MTBP: variants seen among roughly 807,000 people sequenced by gnomAD.
MTBP encodes the protein mdm2-binding protein.
Under a neutral mutation model 117.0 loss-of-function variants are expected in MTBP, and 101 were observed. That is an observed-to-expected ratio of 0.86 (90% confidence interval 0.73 to 1.02). MTBP has a LOEUF of 1.02. Ranked by LOEUF, MTBP falls within the 50% of genes least tolerant of loss-of-function variation. MTBP has a pLI of 0.00. For synonymous variants in MTBP, 350 were observed against 351.5 expected (o/e 1.00, Z 0.05); for missense variants, 970 against 1,030.9 (o/e 0.94, Z 0.81).
Position 120,516,061 on chromosome 8 carries a change from C to T in MTBP, c.2116C>T (p.Pro706Ser). ...AGTACCTACTGTGTTGAGCCCTCTTCCATCTCCTGTAGTTTCGTCAGATCC... is the reference window on the plus strand; with the variant it reads ...AGTACCTACTGTGTTGAGCCCTCTTTCATCTCCTGTAGTTTCGTCAGATCC... ...FPVPTVLSPLPSPVVSSDPGS... is the reference protein window; with the variant it reads ...FPVPTVLSPLSSPVVSSDPGS... Residue 706 changes from proline to serine, a missense_variant, in exon 18 of 22, where the codon CCA (proline) becomes TCA (serine). Pro to Ser is a moderately conservative substitution (Grantham distance 74, BLOSUM62 -1). Coordinates refer to ENST00000305949, the MANE Select transcript of MTBP (RefSeq NM_022045.5). 1 of 1,613,084 alleles carries T rather than the reference C, an allele frequency of 6.2e-7. No homozygotes were observed. The highest frequency in any genetic ancestry group is 8.5e-7 in the Non-Finnish European group (1 of 1,179,240).
chr8:120,509,405 C>T (rs548342026), intron 16 of MTBP, among the ~76,000 whole-genome samples: 24 of 152,222 alleles, frequency 1.6e-4, no homozygotes, highest in African/African-American at 5.5e-4. Flanking sequence ...AGTTTGAGAC[C>T]AGCCTGGCCA....
chr8:120,492,498 T>C (rs148795274), intron 13 of MTBP, among the ~76,000 whole-genome samples: 23 of 152,188 alleles, frequency 1.5e-4, no homozygotes, highest in Admixed American at 1.4e-3. Context: ...GGAACAGCTC[T>C]CTTTGGAAAA....
At position 120,523,433 on chromosome 8, in the gene MTBP, T is replaced by G; in HGVS notation, c.*97T>G. The G allele has an allele frequency of 1.4e-6, 1 of 714,438 alleles. No homozygotes were observed. 44.3% of individuals were successfully genotyped at this position (714,438 alleles called of 1,614,324 possible). On this transcript the variant is annotated 3_prime_UTR_variant, in exon 22 of 22. Coordinates refer to ENST00000305949, the MANE Select transcript of MTBP (RefSeq NM_022045.5). ...GAAAATTATAAACAAATTTTAAGCTTTATTCAAAGAATAGATGTTATATTT... is the reference window on the plus strand; with the variant it reads ...GAAAATTATAAACAAATTTTAAGCTGTATTCAAAGAATAGATGTTATATTT...
chr8:120,473,247 C>A (rs1015701583), intron 11 of MTBP: 2 of 151,674 alleles, frequency 1.3e-5, no homozygotes, highest in Non-Finnish European at 2.9e-5. Context: ...ATTTTCAATT[C>A]GTGGTTGGTT....
chr8:120,468,461 T>C (rs932469220), intron 10 of MTBP, among the ~76,000 whole-genome samples: 3 of 152,206 alleles, frequency 2.0e-5, no homozygotes, highest in Admixed American at 6.5e-5. Flanking sequence ...CTACGAACTC[T>C]TGGAAAGCGT....
At chr8:120,483,600 A>G (rs1454457133) in intron 11 of MTBP, among the ~76,000 whole-genome samples, 3 of 152,174 alleles carry the variant, frequency 2.0e-5, no homozygotes, top group African/African-American at 2.4e-5. Flanking sequence ...GACAAAGAAT[A>G]TAACTTGATT....
At chr8:120,453,794 T>C (rs1813411760) in intron 4 of MTBP, 53 bp from the exon 5 acceptor site, 3 of 827,516 alleles carry the variant, frequency 3.6e-6, no homozygotes, top group Non-Finnish European at 5.7e-6. Context: ...ATTATGATTA[T>C]ATATAAATAT....
chr8:120,452,004 T>C (rs1449686085), intron 4 of MTBP: 1 of 152,274 alleles, frequency 6.6e-6, no homozygotes, highest in Non-Finnish European at 1.5e-5. Flanking sequence ...TTAATTTATG[T>C]GTATTTGCAG....
intron 12 of MTBP, among the ~76,000 whole-genome samples, chr8:120,489,332 C>T (rs752818131): frequency 2.6e-5 from 4 of 152,102 alleles, no homozygotes; most frequent in Non-Finnish European, 4.4e-5. Flanking sequence ...CCACTGCGCC[C>T]GGCCTAGGCT....
Position 120,446,490 on chromosome 8 carries a change from A to G in MTBP, c.176A>G (p.Asn59Ser). 6.3e-7 allele frequency: 1 copy of G among 1,597,840 alleles called. No individual in the cohort carries two copies. The highest frequency in any genetic ancestry group is 8.6e-7 in the Non-Finnish European group (1 of 1,165,520). Residue 59 changes from asparagine to serine, a missense_variant, in exon 2 of 22, where the codon AAT becomes AGT. Transcript: ENST00000305949. ...AAAAGAAGCATTAGTGCTTCAATTA[A>G]TCCAGAAGATAGTACTTTCCCTGGT... is the stretch of plus-strand genomic sequence containing the variant. ...LLKRSISASI[N>S]PEDSTFPACS...
rs892368656 is a variant in MTBP at position 120,453,177 on chromosome 8, G to A, written c.426-670G>A. On this transcript the variant is annotated intron_variant, in intron 4 of 21. Transcript: ENST00000305949. Reference sequence around the variant, plus strand: ...TTAAGATTCAGAAAAATGGCTGGGTGCAGTGGCTCATGCCTGTAATGCCAG... The same window carrying A: ...TTAAGATTCAGAAAAATGGCTGGGTACAGTGGCTCATGCCTGTAATGCCAG... 9.9e-5 allele frequency among the ~76,000 whole-genome samples: 15 copies of A among 152,104 alleles called. No homozygotes were observed. In the East Asian group the frequency reaches 2.5e-3, roughly 26 times the overall value.
Position 120,475,797 on chromosome 8 carries a change from A to G in MTBP, c.1165+4860A>G, listed in dbSNP as rs80355095. Among the ~76,000 whole-genome samples the G allele has an allele frequency of 5.1e-3, 781 of 152,132 alleles. 9 individuals are homozygous for G. Among genetic ancestry groups the G allele is most frequent in the African/African-American group, 0.017 (695 of 41,552 alleles). ...AAAACTTTTATTGAGAAGACAGATG[A>G]ATAGTGAAAAATGGCTGGCTTGCCG... On this transcript the variant is annotated intron_variant, in intron 11 of 21. Coordinates refer to ENST00000305949, the MANE Select transcript of MTBP (RefSeq NM_022045.5).
intron 13 of MTBP, among the ~76,000 whole-genome samples, chr8:120,496,824 C>T (rs1268248477): frequency 1.3e-5 from 2 of 152,136 alleles, no homozygotes; most frequent in East Asian, 3.9e-4. Context: ...CTGTTTCAGT[C>T]CAGCATCTCA....
At chr8:120,501,774 G>A (rs1020588526) in intron 14 of MTBP, among the ~76,000 whole-genome samples, 6 of 152,118 alleles carry the variant, frequency 3.9e-5, no homozygotes, top group African/African-American at 1.4e-4. Flanking sequence ...TGTTAAAACA[G>A]TTTGAATATA....
At chr8:120,469,474 A>G (rs373965092) in intron 10 of MTBP, among the ~76,000 whole-genome samples, 13 of 152,316 alleles carry the variant, frequency 8.5e-5, no homozygotes, top group African/African-American at 2.9e-4. Context: ...GGTTTTTGTC[A>G]GCTTCCTATG....
intron 17 of MTBP, among the ~76,000 whole-genome samples, chr8:120,512,918 A>G (rs1814843361): frequency 2.0e-5 from 3 of 152,130 alleles, no homozygotes; most frequent in Admixed American, 2.0e-4. Context: ...ATGAAACTAC[A>G]AAGAAAGTTC....
chr8:120,445,516 C>A lies in MTBP; in HGVS notation c.46C>A (p.Pro16Thr), dbSNP rs1244471141. The change falls in exon 1 of 22, where the codon CCG becomes ACG. Residue 16 changes from proline (P) to threonine (T), a missense_variant. Coordinates refer to ENST00000305949, the MANE Select transcript of MTBP (RefSeq NM_022045.5). ...GGTGATCTGGGGGGAAGGAAAATTC[C>A]CGTCGGCGGCCAGTAGGGAGGCAGA... is the stretch of plus-strand genomic sequence containing the variant. ...LLVIWGEGKFPSAASREAEHG... is the reference protein window; with the variant it reads ...LLVIWGEGKFTSAASREAEHG... The A allele has an allele frequency of 6.2e-7, 1 of 1,613,404 alleles. No individual in the cohort carries two copies. The highest frequency in any genetic ancestry group is 8.5e-7 in the Non-Finnish European group (1 of 1,179,728).
At chr8:120,482,420 A>G (rs969917743) in intron 11 of MTBP, among the ~76,000 whole-genome samples, 1 of 152,138 alleles carries the variant, frequency 6.6e-6, no homozygotes, top group Admixed American at 6.6e-5. Context: ...ATTCGGTCCA[A>G]TCTTCTATGC....
chr8:120,446,990 A>C (rs1327894027), intron 2 of MTBP, among the ~76,000 whole-genome samples: 2 of 152,190 alleles, frequency 1.3e-5, no homozygotes, highest in African/African-American at 2.4e-5. Context: ...TTTTTGAAGT[A>C]TTTCGCTTTT....
Sources: gnomAD v4.1 joint callset for allele counts (sites outside exome capture counted in the v4.1 genomes callset) on GRCh38, gnomAD v4.1.1 for gene constraint, MANE v1.5 for transcripts, NCBI Gene and HGNC (gene_info 2026-07-23, HGNC 2026-07-21) for gene names.